The following TTLL11 variants were observed in gnomAD, a reference collection of about 807,000 sequenced individuals.
TTLL11 encodes the protein tubulin tyrosine ligase like 11.
In TTLL11, 42 loss-of-function variants were observed where a neutral mutation model predicts 51.7. That is an observed-to-expected ratio of 0.81 (90% CI 0.64 to 1.05). The LOEUF is 1.05. Ranked by LOEUF, TTLL11 falls within the 50% of genes least tolerant of loss-of-function variation. TTLL11 has a pLI of 0.00. For synonymous variants in TTLL11, 381 were observed against 383.5 expected, an observed-to-expected ratio of 0.99 and a Z score of 0.08; for missense variants, 799 against 940.4, an observed-to-expected ratio of 0.85 and a Z score of 1.97.
intron 6 of TTLL11, among the ~76,000 whole-genome samples, chr9:121,909,898 G>A (rs1365668637): frequency 6.6e-6 from 1 of 152,168 alleles, no homozygotes; most frequent in Admixed American, 6.5e-5. Flanking sequence ...AAGGAGGAAT[G>A]TCTGCAAAGG....
Position 121,974,009 on chromosome 9 carries a change from T to C in TTLL11, c.1481A>G (p.Gln494Arg). The change falls in exon 6 of 9, where the codon CAG (glutamine) becomes CGG (arginine). Residue 494 changes from glutamine (Q) to arginine (R), a missense_variant and splice_region_variant. Around this residue, in one of 3 missense-constraint regions of TTLL11, gnomAD observed 468 missense variants for 612.8 expected, o/e 0.76. Coordinates refer to ENST00000321582, the MANE Select transcript of TTLL11 (RefSeq NM_001139442.2). ...MDPLKKKRENQSQQLEKPFAG... is the reference protein window; with the variant it reads ...MDPLKKKRENRSQQLEKPFAG... Reference sequence around the variant, plus strand: ...ATGAATGACATAAAAAAGTACTTACTGATTCTCTCTTTTCTTCTTAAGTGG... The same window carrying C: ...ATGAATGACATAAAAAAGTACTTACCGATTCTCTCTTTTCTTCTTAAGTGG... 6.4e-7 allele frequency: 1 copy of C among 1,550,732 alleles called. No individual in the cohort carries two copies.
At position 122,015,820 on chromosome 9, in the gene TTLL11, AAAAG is replaced by A. The variant is rs1280161035; in HGVS notation, c.693+15899_693+15902del. On this transcript the variant is annotated intron_variant, in intron 3 of 8. Transcript: ENST00000321582. ...ACTCAAAAGAGACAAAAAAAAAAAA[AAAAG>A]AAAGAAAGTAAACCACAGCATATGT... Among the ~76,000 whole-genome samples, 918 of 151,726 alleles carry A rather than the reference AAAAG, an allele frequency of 6.1e-3. 14 individuals carry two copies. The highest frequency in any genetic ancestry group is 0.021 in the African/African-American group (868 of 41,098).
intron 3 of TTLL11, among the ~76,000 whole-genome samples, chr9:122,002,573 T>C (rs1843502410): frequency 6.6e-6 from 1 of 152,158 alleles, no homozygotes; most frequent in Admixed American, 6.5e-5. Flanking sequence ...CAAAGCTCTT[T>C]AGTTTGCTCT....
intron 6 of TTLL11, among the ~76,000 whole-genome samples, chr9:121,918,185 A>G (rs1287185328): frequency 6.6e-6 from 1 of 152,038 alleles, no homozygotes; most frequent in Non-Finnish European, 1.5e-5. Flanking sequence ...CAGTCTGTGG[A>G]TGGGTTGGGG....
chr9:121,898,488 G>C (rs530194163), intron 6 of TTLL11, among the ~76,000 whole-genome samples: 2 of 152,394 alleles, frequency 1.3e-5, no homozygotes, highest in East Asian at 3.9e-4. Context: ...ATAGGCCCAA[G>C]GGAATGACAG....
intron 6 of TTLL11, among the ~76,000 whole-genome samples, chr9:121,888,059 C>T (rs1171778346): frequency 6.6e-6 from 1 of 152,168 alleles, no homozygotes; most frequent in Non-Finnish European, 1.5e-5. Flanking sequence ...CAGCCTTGGC[C>T]CAGGTCCCCT....
chr9:121,955,029 C>G, intron 6 of TTLL11, among the ~76,000 whole-genome samples: 1 of 152,156 alleles, frequency 6.6e-6, no homozygotes, highest in Non-Finnish European at 1.5e-5. Context: ...ACCTCGACTC[C>G]CAGCCAGTTC....
intron 8 of TTLL11, among the ~76,000 whole-genome samples, chr9:121,843,723 A>C: frequency 6.6e-6 from 1 of 152,104 alleles, no homozygotes. Flanking sequence ...CCCAGGTTGG[A>C]GTGCAGTGGT....
chr9:121,869,662 A>T, intron 7 of TTLL11, among the ~76,000 whole-genome samples: 1 of 152,230 alleles, frequency 6.6e-6, no homozygotes, highest in East Asian at 1.9e-4. Context: ...TTGTAAGAAG[A>T]AACTGACATT....
At chr9:121,926,815 A>T (rs1840753286) in intron 6 of TTLL11, among the ~76,000 whole-genome samples, 1 of 152,200 alleles carries the variant, frequency 6.6e-6, no homozygotes. Flanking sequence ...TTAAAACAGA[A>T]AATCATAGCT....
At chr9:121,991,270 C>T (rs1843103359) in intron 3 of TTLL11, among the ~76,000 whole-genome samples, 1 of 152,242 alleles carries the variant, frequency 6.6e-6, no homozygotes, top group Non-Finnish European at 1.5e-5. Flanking sequence ...GGCACTATCA[C>T]TTATTCTGGG....
chr9:121,979,923 C>G (rs537542311), intron 4 of TTLL11, among the ~76,000 whole-genome samples: 5 of 151,838 alleles, frequency 3.3e-5, no homozygotes, highest in South Asian at 4.2e-4. Context: ...CTTTAGTGCT[C>G]TCTGCCTTCA....
intron 6 of TTLL11, among the ~76,000 whole-genome samples, chr9:121,904,179 C>CT (rs200568154): frequency 0.026 from 3,711 of 142,596 alleles, 151 homozygotes; most frequent in African/African-American, 0.083. Flanking sequence ...TTGATACATT[C>CT]TTTTTTTTTT....
chr9:121,970,511 G>T lies in TTLL11; in HGVS notation c.1481+3498C>A, dbSNP rs530761142. ...TTGCTCCCAATAAAGGAATAAGAAT[G>T]CTGATGTGTCTCAAAAAGTGGGCGA... On this transcript the variant is annotated intron_variant, in intron 6 of 8. Coordinates refer to ENST00000321582, the MANE Select transcript of TTLL11 (RefSeq NM_001139442.2). Among the ~76,000 whole-genome samples the T allele has an allele frequency of 1.9e-4, 29 of 152,310 alleles. 1 individual carries two copies. In the South Asian group the frequency reaches 5.6e-3, roughly 29 times the overall value.
At chr9:122,022,018 TTGAA>T (rs1451077877) in intron 3 of TTLL11, among the ~76,000 whole-genome samples, 1 of 152,154 alleles carries the variant, frequency 6.6e-6, no homozygotes, top group Non-Finnish European at 1.5e-5. Context: ...AGATAAGAGA[TTGAA>T]TGGGATTATT....
At chr9:121,826,924 C>T (rs1465083283) in intron 8 of TTLL11, among the ~76,000 whole-genome samples, 2 of 151,994 alleles carry the variant, frequency 1.3e-5, no homozygotes, top group African/African-American at 4.8e-5. Flanking sequence ...GCCCAGGGGC[C>T]TGCCACAGGA....
intron 6 of TTLL11, among the ~76,000 whole-genome samples, chr9:121,959,191 A>C (rs1173963678): frequency 6.6e-6 from 1 of 152,172 alleles, no homozygotes; most frequent in Non-Finnish European, 1.5e-5. Context: ...GAGGAGTGAG[A>C]GTCAGGATCT....
chr9:121,942,873 C>G (rs866838463), intron 6 of TTLL11, among the ~76,000 whole-genome samples: 2 of 151,630 alleles, frequency 1.3e-5, no homozygotes, highest in Non-Finnish European at 2.9e-5. Context: ...CTGCAACAAC[C>G]AAGCTCCAAC....
At chr9:122,008,914 C>T (rs1433922472) in intron 3 of TTLL11, among the ~76,000 whole-genome samples, 5 of 152,158 alleles carry the variant, frequency 3.3e-5, no homozygotes, top group South Asian at 2.1e-4. Context: ...ACCTGAAGGA[C>T]GTTAAGCGAA....
Sources: gnomAD v4.1 joint callset for allele counts (sites outside exome capture counted in the v4.1 genomes callset) on GRCh38, gnomAD v4.1.1 for gene constraint, gnomAD v4.1.1 regional missense constraint, MANE v1.5 for transcripts, NCBI Gene and HGNC (gene_info 2026-07-23, HGNC 2026-07-21) for gene names.